The following TAAR5 variants were observed in gnomAD, a reference collection of about 807,000 sequenced individuals.
The protein encoded by TAAR5 is trace amine associated receptor 5.
A neutral mutation model predicts 21.1 loss-of-function variants in TAAR5; 27 were observed. That is an observed-to-expected ratio of 1.28 (90% CI 0.94 to 1.76). The LOEUF is 1.76. TAAR5 is among the 40% of genes most tolerant of loss of function. The pLI, the probability that TAAR5 is intolerant of heterozygous loss-of-function variation, is 0.00. For synonymous variants in TAAR5, 203 were observed against 167.5 expected (o/e 1.21, Z -1.64); for missense variants, 495 against 405.6 (o/e 1.22, Z -1.89).
chr6:132,599,417 C>T, the TAAR5 span, among the ~76,000 whole-genome samples: 1 of 149,020 alleles, frequency 6.7e-6, no homozygotes, highest in Non-Finnish European at 1.5e-5. Context: ...CAACCTTCAC[C>T]TCCTGGGTTC....
At position 132,589,688 on chromosome 6, in the gene TAAR5, T is replaced by G; in HGVS notation, c.-2A>C. ...ACCTTGGATGAAGACAGCTCTCATT[T>G]ATGATTTCTACTCTTCCTCTGTCTG... On this transcript the variant is annotated 5_prime_UTR_variant, in exon 1 of 1. Coordinates refer to ENST00000258034, the MANE Select transcript of TAAR5 (RefSeq NM_003967.3). 1 of 1,519,978 alleles carries G rather than the reference T, an allele frequency of 6.6e-7. No homozygotes were observed. The allele number at this position is 1,519,978 out of a possible 1,614,324, so 94.2% of individuals were successfully genotyped here. A position where few individuals can be genotyped will look rare whatever the true frequency, so the allele number is the denominator to read the frequency against.
chr6:132,592,506 G>A (rs1776920772), upstream of TAAR5, among the ~76,000 whole-genome samples: 1 of 152,212 alleles, frequency 6.6e-6, no homozygotes, highest in Non-Finnish European at 1.5e-5. Context: ...TTGGGTCTGT[G>A]TCCCCGTGTA....
At chr6:132,612,686 G>C in the TAAR5 span, among the ~76,000 whole-genome samples, 1 of 152,160 alleles carries the variant, frequency 6.6e-6, no homozygotes, top group Non-Finnish European at 1.5e-5. Flanking sequence ...GTGTGAAGAT[G>C]GGGTTGTCTT....
chr6:132,615,844 A>G, the TAAR5 span, among the ~76,000 whole-genome samples: 1 of 150,868 alleles, frequency 6.6e-6, no homozygotes, highest in Non-Finnish European at 1.5e-5. Context: ...AACAAGGAAT[A>G]TTTCAGTGAA....
At chr6:132,605,594 G>A in the TAAR5 span, among the ~76,000 whole-genome samples, 1 of 151,974 alleles carries the variant, frequency 6.6e-6, no homozygotes, top group African/African-American at 2.4e-5. Context: ...CCAGAGTAAT[G>A]CATGGGCACA....
chr6:132,615,744 C>T, the TAAR5 span, among the ~76,000 whole-genome samples: 1 of 151,966 alleles, frequency 6.6e-6, no homozygotes, highest in Non-Finnish European at 1.5e-5. Context: ...AAGGTACTGA[C>T]AGATTTACTT....
At chr6:132,591,806 C>A (rs1331535564), upstream of TAAR5, among the ~76,000 whole-genome samples, 1 of 152,200 alleles carries the variant, frequency 6.6e-6, no homozygotes, top group Non-Finnish European at 1.5e-5. Context: ...ATATGTAACA[C>A]AATTGTATGA....
chr6:132,600,619 T>G, the TAAR5 span, among the ~76,000 whole-genome samples: 1 of 152,154 alleles, frequency 6.6e-6, no homozygotes, highest in Non-Finnish European at 1.5e-5. Context: ...TTACATGCTT[T>G]GGACATTAAA....
At chr6:132,605,203 A>G in the TAAR5 span, among the ~76,000 whole-genome samples, 1 of 152,268 alleles carries the variant, frequency 6.6e-6, no homozygotes, top group Non-Finnish European at 1.5e-5. Flanking sequence ...AGGACCTAGC[A>G]TAGAAACTGT....
chr6:132,589,123 A>T lies in TAAR5; in HGVS notation c.564T>A (p.Cys188Ter), dbSNP rs1448541680. Residue 188 changes from cysteine (C) to a stop codon, truncating the protein, a stop_gained, in exon 1 of 1, where the codon TGT (cysteine) becomes TGA (stop). Coordinates refer to ENST00000258034, the MANE Select transcript of TAAR5 (RefSeq NM_003967.3). LOFTEE classifies it high-confidence loss of function. ...RLSQWLEEMPCVGSCQLLLNK... is the reference protein window; with the variant it reads ...RLSQWLEEMP ...TGAGCAGCAGCTGGCAACTGCCCAC[A>T]CAAGGCATCTCTTCCAGCCACTGGC... The T allele has an allele frequency of 1.2e-6, 2 of 1,613,024 alleles. No individual in the cohort carries two copies. Among genetic ancestry groups the T allele is most frequent in the Non-Finnish European group, 1.7e-6 (2 of 1,179,484 alleles).
chr6:132,598,585 G>A, the TAAR5 span, among the ~76,000 whole-genome samples: 1 of 152,178 alleles, frequency 6.6e-6, no homozygotes, highest in African/African-American at 2.4e-5. Flanking sequence ...CACTATTGTA[G>A]GTAGGCTCCT....
chr6:132,614,697 A>G, the TAAR5 span, among the ~76,000 whole-genome samples: 1 of 152,168 alleles, frequency 6.6e-6, no homozygotes. Context: ...TTCATATATA[A>G]GTTTGCTTCT....
upstream of TAAR5, chr6:132,594,532 T>C (rs150351686): frequency 6.6e-6 from 1 of 152,302 alleles, no homozygotes; most frequent in Non-Finnish European, 1.5e-5. Context: ...TGAAATAGCC[T>C]AGCCAGAGGA....
upstream of TAAR5, among the ~76,000 whole-genome samples, chr6:132,592,779 C>T (rs886491932): frequency 6.6e-6 from 1 of 152,150 alleles, no homozygotes; most frequent in African/African-American, 2.4e-5. Flanking sequence ...TCCTGTACAG[C>T]CTGCAGAACC....
At chr6:132,611,476 A>G in the TAAR5 span, among the ~76,000 whole-genome samples, 1 of 152,224 alleles carries the variant, frequency 6.6e-6, no homozygotes, top group African/African-American at 2.4e-5. Flanking sequence ...AATGCTTGAG[A>G]TGATGGATAC....
the TAAR5 span, among the ~76,000 whole-genome samples, chr6:132,602,255 A>G: frequency 6.6e-6 from 1 of 152,158 alleles, no homozygotes; most frequent in South Asian, 2.1e-4. Flanking sequence ...TGTGCACTTT[A>G]TTTCTATTAT....
the TAAR5 span, among the ~76,000 whole-genome samples, chr6:132,605,535 G>T: frequency 6.6e-6 from 1 of 152,124 alleles, no homozygotes; most frequent in East Asian, 1.9e-4. Flanking sequence ...ACTGAAGCCA[G>T]CTGTCCCTGT....
At chr6:132,605,984 C>T in the TAAR5 span, among the ~76,000 whole-genome samples, 1 of 143,978 alleles carries the variant, frequency 6.9e-6, no homozygotes, top group African/African-American at 2.8e-5. Context: ...AACAATTATC[C>T]TAAGCGAACT....
the TAAR5 span, among the ~76,000 whole-genome samples, chr6:132,605,497 A>T: frequency 3.9e-5 from 6 of 152,170 alleles, no homozygotes; most frequent in Non-Finnish European, 8.8e-5. Flanking sequence ...GACAGTTCTC[A>T]TTCTAACAGC....
Sources: allele counts gnomAD v4.1 joint callset (sites outside exome capture counted in the v4.1 genomes callset), GRCh38; gene constraint gnomAD v4.1.1; transcripts MANE v1.5; gene names NCBI Gene and HGNC (gene_info 2026-07-23, HGNC 2026-07-21).